The following CTNND2 variants were observed in gnomAD, a reference collection of about 807,000 sequenced individuals.
CTNND2 encodes catenin delta-2.
Under a neutral mutation model 144.4 loss-of-function variants are expected in CTNND2, and 22 were observed. The observed-to-expected ratio is 0.15, with a 90% CI of 0.11 to 0.22. The LOEUF (loss-of-function observed/expected upper bound fraction) is 0.22. CTNND2 is among the 10% of genes least tolerant of loss of function. The probability of loss-of-function intolerance (pLI) is 1.00; values close to 1 mark genes in which losing one functional copy is unlikely to be tolerated. For missense variants in CTNND2, 1,353 were observed against 1,618.8 expected (o/e 0.84, Z 2.82); for synonymous variants, 751 against 695.6 (o/e 1.08, Z -1.25).
intron 1 of CTNND2, among the ~76,000 whole-genome samples, chr5:11,832,504 T>A (rs1206936543): frequency 2.0e-5 from 3 of 152,054 alleles, no homozygotes; most frequent in African/African-American, 7.2e-5. Context: ...CAAAAGGTGT[T>A]AAAAAATACT....
At chr5:11,847,137 T>C (rs949938649) in intron 1 of CTNND2, among the ~76,000 whole-genome samples, 8 of 35,336 alleles carry the variant, frequency 2.3e-4, no homozygotes, top group African/African-American at 1.2e-3. Flanking sequence ...TTTATATATA[T>C]ATATATATAT....
intron 5 of CTNND2, among the ~76,000 whole-genome samples, chr5:11,409,647 C>T (rs1314500301): frequency 6.6e-6 from 1 of 152,072 alleles, no homozygotes; most frequent in East Asian, 1.9e-4. Flanking sequence ...CAGCTCACTA[C>T]ATAACTCCCA....
chr5:11,153,705 T>C (rs1005010500), intron 12 of CTNND2, among the ~76,000 whole-genome samples: 8 of 152,192 alleles, frequency 5.3e-5, no homozygotes, highest in African/African-American at 1.4e-4. Flanking sequence ...AACATTCTTA[T>C]GTACACAAAG....
intron 3 of CTNND2, among the ~76,000 whole-genome samples, chr5:11,560,738 A>G (rs11750577): frequency 0.25 from 38,310 of 152,140 alleles, 5,608 homozygotes; most frequent in African/African-American, 0.41. Context: ...GTGGGTCACT[A>G]GATCCATAGG....
chr5:11,730,566 T>C (rs1042546997), intron 2 of CTNND2, among the ~76,000 whole-genome samples: 2 of 152,222 alleles, frequency 1.3e-5, no homozygotes, highest in Admixed American at 1.3e-4. Context: ...CTCAAAACTT[T>C]CCTTGCATTC....
chr5:11,442,850 T>C (rs1401821864), intron 3 of CTNND2, among the ~76,000 whole-genome samples: 1 of 143,806 alleles, frequency 7.0e-6, no homozygotes, highest in East Asian at 2.0e-4. Context: ...TTATATAATA[T>C]AATGATTATA....
intron 2 of CTNND2, among the ~76,000 whole-genome samples, chr5:11,648,391 T>C (rs1015874615): frequency 6.6e-6 from 1 of 151,996 alleles, no homozygotes; most frequent in Non-Finnish European, 1.5e-5. Flanking sequence ...AAAGCCCCTT[T>C]CTCCAACCTT....
intron 2 of CTNND2, among the ~76,000 whole-genome samples, chr5:11,722,205 G>A (rs912256080): frequency 4.6e-5 from 7 of 152,196 alleles, no homozygotes; most frequent in African/African-American, 1.4e-4. Context: ...CTCCTAAGAA[G>A]ATGCTGAAAA....
In CTNND2 at chr5:11,892,366, T is replaced by C. The variant is rs41535851; in HGVS notation, c.37+11451A>G. The stretch of plus-strand genomic sequence containing the variant: ...ACATTTCTCCAAATGACCATAAATA[T>C]CTATCTTCAAAGCTATGCTGACAGT... On this transcript the variant is annotated intron_variant, in intron 1 of 21. Coordinates refer to ENST00000304623, the MANE Select transcript of CTNND2 (RefSeq NM_001332.4). Among the ~76,000 whole-genome samples the C allele has an allele frequency of 2.6e-3, 391 of 152,300 alleles. 1 individual carries two copies. The highest frequency in any genetic ancestry group is 9.1e-3 in the African/African-American group (377 of 41,566).
In CTNND2 at chr5:11,192,522, G is replaced by A. The variant is rs137918640; in HGVS notation, c.1975+6926C>T. On this transcript the variant is annotated intron_variant, in intron 11 of 21. Coordinates refer to ENST00000304623, the MANE Select transcript of CTNND2 (RefSeq NM_001332.4). ...AGAATCCTGGATCAGCCCGGTGGGC[G>A]CAATCTAATCACACGGGGCTTTAAA... is the stretch of plus-strand genomic sequence containing the variant. Among the ~76,000 whole-genome samples, 443 of 152,244 alleles carry A rather than the reference G, an allele frequency of 2.9e-3. 2 individuals carry two copies. The highest frequency in any genetic ancestry group is 9.9e-3 in the African/African-American group (412 of 41,530).
intron 1 of CTNND2, among the ~76,000 whole-genome samples, chr5:11,754,603 G>A (rs995152143): frequency 1.3e-5 from 2 of 151,788 alleles, no homozygotes; most frequent in African/African-American, 2.4e-5. Flanking sequence ...CTCTTTGTAA[G>A]TCTCTAAGAA....
chr5:11,433,838 A>G (rs754801251), intron 3 of CTNND2, among the ~76,000 whole-genome samples: 1 of 152,184 alleles, frequency 6.6e-6, no homozygotes, highest in Non-Finnish European at 1.5e-5. Context: ...TATCCAAACT[A>G]TATCAGTTGT....
At chr5:11,361,181 C>T (rs1401443236) in intron 8 of CTNND2, among the ~76,000 whole-genome samples, 7 of 152,086 alleles carry the variant, frequency 4.6e-5, no homozygotes, top group East Asian at 3.9e-4. Flanking sequence ...CCACCATGCC[C>T]GGCTAATTTT....
intron 8 of CTNND2, among the ~76,000 whole-genome samples, chr5:11,362,533 T>C (rs1398244931): frequency 1.3e-5 from 2 of 152,182 alleles, no homozygotes; most frequent in Admixed American, 1.3e-4. Context: ...CCTCCACTTG[T>C]GGTCCTAAGA....
At chr5:11,779,532 A>G (rs757623415) in intron 1 of CTNND2, among the ~76,000 whole-genome samples, 2 of 152,162 alleles carry the variant, frequency 1.3e-5, no homozygotes, top group Non-Finnish European at 2.9e-5. Flanking sequence ...CAAATGTAAC[A>G]TGGGTTATGG....
intron 1 of CTNND2, among the ~76,000 whole-genome samples, chr5:11,799,633 T>C (rs1791575410): frequency 6.6e-6 from 1 of 152,216 alleles, no homozygotes; most frequent in Admixed American, 6.5e-5. Context: ...TACCATATTA[T>C]GAAATATCCC....
intron 3 of CTNND2, among the ~76,000 whole-genome samples, chr5:11,470,980 A>ATATATATATATATATATT (rs1219093645): frequency 1.3e-3 from 115 of 91,506 alleles, no homozygotes; most frequent in Non-Finnish European, 2.0e-3. Context: ...ATATATATAT[A>ATATATATATATATATATT]TTTTTTTTTT....
At chr5:11,476,789 C>A (rs1252524060) in intron 3 of CTNND2, among the ~76,000 whole-genome samples, 1 of 152,154 alleles carries the variant, frequency 6.6e-6, no homozygotes, top group Non-Finnish European at 1.5e-5. Context: ...ACACTCCTTA[C>A]AAAAAATAAT....
intron 11 of CTNND2, among the ~76,000 whole-genome samples, chr5:11,198,566 C>T (rs144314590): frequency 4.6e-5 from 7 of 152,266 alleles, no homozygotes; most frequent in Admixed American, 6.5e-5. Flanking sequence ...GACAGAAGGT[C>T]GACGGAATCA....
Sources: allele counts gnomAD v4.1 joint callset (sites outside exome capture counted in the v4.1 genomes callset), GRCh38; gene constraint gnomAD v4.1.1; transcripts MANE v1.5; gene names NCBI Gene and HGNC (gene_info 2026-07-23, HGNC 2026-07-21).